Variants in UGT1A7 observed in about 807,000 individuals in gnomAD.
The protein encoded by UGT1A7 is UDP glucuronosyltransferase family 1 member A7, also known as UDP-glucuronosyltransferase 1A7.
Under a neutral mutation model 45.6 loss-of-function variants are expected in UGT1A7, and 33 were observed. The ratio of observed to expected loss-of-function variants is 0.72; its 90% CI spans 0.55 to 0.97. The LOEUF (loss-of-function observed/expected upper bound fraction) is 0.97. UGT1A7 is among the 50% of genes least tolerant of loss of function. UGT1A7 has a pLI of 0.00. For synonymous variants in UGT1A7, 274 were observed against 250.6 expected, an observed-to-expected ratio of 1.09 and a Z score of -0.88; for missense variants, 684 against 666.2, an observed-to-expected ratio of 1.03 and a Z score of -0.29.
At chr2:233,698,012 A>G (rs1043997277) in intron 1 of UGT1A7, among the ~76,000 whole-genome samples, 2 of 152,200 alleles carry the variant, frequency 1.3e-5, no homozygotes, top group African/African-American at 2.4e-5. Flanking sequence ...ATTTCTGCAC[A>G]TTGGTACCAA....
At chr2:233,755,183 C>G (rs564578980) in intron 1 of UGT1A7, 175 of 1,199,670 alleles carry the variant, frequency 1.5e-4, no homozygotes, top group Middle Eastern at 2.2e-4. Context: ...CGGGGTGCCA[C>G]TTGAGCGCCA....
At chr2:233,744,063 A>G (rs181200285) in intron 1 of UGT1A7, 66 of 569,246 alleles carry the variant, frequency 1.2e-4, no homozygotes, top group East Asian at 7.6e-4. Flanking sequence ...GTCGAGGCCT[A>G]TGAGCGCCTC....
At chr2:233,743,686 G>A (rs1347222099) in intron 1 of UGT1A7, 2 of 1,367,248 alleles carry the variant, frequency 1.5e-6, no homozygotes, top group Admixed American at 3.8e-5. Flanking sequence ...TGCCGCCTGT[G>A]CAGCCGCCCT....
chr2:233,745,474 T>C (rs1693117475), intron 1 of UGT1A7, among the ~76,000 whole-genome samples: 1 of 151,746 alleles, frequency 6.6e-6, no homozygotes, highest in African/African-American at 2.4e-5. Context: ...GGGAAAATGA[T>C]TAACCAAAGA....
intron 1 of UGT1A7, chr2:233,690,008 A>G (rs1260026576): frequency 1.8e-5 from 8 of 443,354 alleles, no homozygotes; most frequent in Non-Finnish European, 3.6e-5. Context: ...TCATCTCACC[A>G]TTTTGGACCT....
At chr2:233,742,895 GA>G in intron 1 of UGT1A7, 1 of 165,112 alleles carries the variant, frequency 6.1e-6, no homozygotes, top group Non-Finnish European at 1.3e-5. Flanking sequence ...TTTCCCAACG[GA>G]AAAAGGTAAT....
intron 1 of UGT1A7, among the ~76,000 whole-genome samples, chr2:233,699,947 A>G (rs1002246261): frequency 6.6e-6 from 1 of 152,188 alleles, no homozygotes; most frequent in African/African-American, 2.4e-5. Flanking sequence ...AAGTTGTACA[A>G]TGTGTGAAAA....
intron 1 of UGT1A7, among the ~76,000 whole-genome samples, chr2:233,704,362 C>T (rs2075783808): frequency 7.0e-6 from 1 of 143,344 alleles, no homozygotes; most frequent in African/African-American, 2.6e-5. Flanking sequence ...AGCGGTTGTT[C>T]TAGGGCTTAG....
intron 1 of UGT1A7, among the ~76,000 whole-genome samples, chr2:233,725,934 T>C (rs986998234): frequency 1.6e-4 from 25 of 152,166 alleles, no homozygotes; most frequent in Admixed American, 5.2e-4. Context: ...GGGAGACTGA[T>C]GCAGGAGGAT....
intron 1 of UGT1A7, among the ~76,000 whole-genome samples, chr2:233,745,995 A>T (rs1224487934): frequency 1.3e-5 from 2 of 151,678 alleles, no homozygotes; most frequent in Non-Finnish European, 2.9e-5. Context: ...GCTGGGTCTG[A>T]GAGACAGTGG....
intron 4 of UGT1A7, among the ~76,000 whole-genome samples, chr2:233,771,914 AAC>A (rs1700408525): frequency 6.6e-6 from 1 of 152,068 alleles, no homozygotes; most frequent in African/African-American, 2.4e-5. Flanking sequence ...TGATAATAGT[AAC>A]ACAGCCTGGG....
chr2:233,693,520 G>A (rs1228298386), intron 1 of UGT1A7: 13 of 1,614,006 alleles, frequency 8.1e-6, no homozygotes, highest in Non-Finnish European at 1.0e-5. Flanking sequence ...ACCTCTTCAG[G>A]GGTTTTCCGT....
rs760019185 is a variant in UGT1A7, at chr2:233,760,846, C to T, written c.856-6188C>T. 1 of 1,613,970 alleles carries T rather than the reference C, an allele frequency of 6.2e-7. No individual in the cohort carries two copies. Among genetic ancestry groups the T allele is most frequent in the Non-Finnish European group, 8.5e-7 (1 of 1,179,912 alleles). On this transcript the variant is annotated intron_variant, in intron 1 of 4. Coordinates refer to ENST00000373426, the MANE Select transcript of UGT1A7 (RefSeq NM_019077.3). ...CCTGGAATTTGAGGCTACCCAGTGC[C>T]CCAACCCATTCTCCTACGTGCCCAG... is the stretch of plus-strand genomic sequence containing the variant.
chr2:233,766,145 C>T (rs1400021152), intron 1 of UGT1A7, among the ~76,000 whole-genome samples: 1 of 152,164 alleles, frequency 6.6e-6, no homozygotes, highest in South Asian at 2.1e-4. Flanking sequence ...CGAATCCCAC[C>T]TGGGCTTGGA....
intron 1 of UGT1A7, chr2:233,717,940 C>A (rs186673267): frequency 2.2e-6 from 1 of 453,716 alleles, no homozygotes; most frequent in East Asian, 7.0e-5. Flanking sequence ...AGTCTCTATG[C>A]AGACTTGCAG....
At chr2:233,724,116 G>A (rs1387797895) in intron 1 of UGT1A7, among the ~76,000 whole-genome samples, 1 of 116,526 alleles carries the variant, frequency 8.6e-6, no homozygotes, top group Non-Finnish European at 1.7e-5. Flanking sequence ...GCCGGGCAGA[G>A]GCGCCCCTCA....
chr2:233,682,152 G>T lies in UGT1A7; in HGVS notation c.215G>T (p.Cys72Phe). Reference protein sequence around the residue: ...VSWQLGRSLNCTVKTYSTSYT... With the variant: ...VSWQLGRSLNFTVKTYSTSYT... ...TGGCAACTGGGAAGATCACTGAATT[G>T]CACAGTGAAGACTTACTCAACCTCA... Residue 72 changes from cysteine (C) to phenylalanine (F), a missense_variant, in exon 1 of 5, where the codon TGC becomes TTC. Physicochemically the swap from Cys to Phe is radical, Grantham distance 205. Coordinates refer to ENST00000373426, the MANE Select transcript of UGT1A7 (RefSeq NM_019077.3). 6.2e-7 allele frequency: 1 copy of T among 1,614,212 alleles called. No individual in the cohort carries two copies. The highest frequency in any genetic ancestry group is 1.1e-5 in the South Asian group (1 of 91,084).
At position 233,769,785 on chromosome 2, in the gene UGT1A7, T is replaced by G; in HGVS notation, c.1295+1346T>G. The G allele has an allele frequency of 7.5e-7, 1 of 1,329,352 alleles. No individual in the cohort carries two copies. Among genetic ancestry groups the G allele is most frequent in the Non-Finnish European group, 9.9e-7 (1 of 1,011,114 alleles). 82.3% of individuals were successfully genotyped at this position (1,329,352 alleles called of 1,614,324 possible). A position where few individuals can be genotyped will look rare whatever the true frequency, so the allele number is the denominator to read the frequency against. Reference sequence around the variant, plus strand: ...CGGGAGGATTGCTTGAGCCCAGAAGTTGGAGGCTGCTATGAGCCGTGATCA... The same window carrying G: ...CGGGAGGATTGCTTGAGCCCAGAAGGTGGAGGCTGCTATGAGCCGTGATCA... On this transcript the variant is annotated intron_variant, in intron 4 of 4. Coordinates refer to ENST00000373426, the MANE Select transcript of UGT1A7 (RefSeq NM_019077.3). The surrounding 1 kb of genome is among the most constrained non-coding windows in gnomAD (Gnocchi z 4.4).
intron 1 of UGT1A7, among the ~76,000 whole-genome samples, chr2:233,684,577 C>T (rs2074685894): frequency 6.6e-6 from 1 of 152,090 alleles, no homozygotes; most frequent in South Asian, 2.1e-4. Context: ...AAATATGAAA[C>T]ATTGAGCCAT....
Sources: gnomAD v4.1 joint callset for allele counts (sites outside exome capture counted in the v4.1 genomes callset) on GRCh38, gnomAD v4.1.1 for gene constraint, Gnocchi (gnomAD v3.1) non-coding constraint, MANE v1.5 for transcripts, NCBI Gene and HGNC (gene_info 2026-07-23, HGNC 2026-07-21) for gene names.